Variants in TULP3 observed in about 807,000 individuals in gnomAD.
TULP3 encodes TUB like protein 3, also known as tubby-related protein 3.
Under a neutral mutation model 50.7 loss-of-function variants are expected in TULP3, and 38 were observed. That is an observed-to-expected ratio of 0.75 (90% CI 0.58 to 0.98). The LOEUF is 0.98. Ranked by LOEUF, TULP3 falls within the 50% of genes least tolerant of loss-of-function variation. The probability of loss-of-function intolerance (pLI) is 0.00; values close to 1 mark genes in which losing one functional copy is unlikely to be tolerated. For synonymous variants in TULP3, 183 were observed against 196.6 expected (o/e 0.93, Z 0.58); for missense variants, 550 against 568.0 (o/e 0.97, Z 0.32).
intron 6 of TULP3, among the ~76,000 whole-genome samples, chr12:2,932,666 A>G (rs1019491184): frequency 1.3e-5 from 2 of 151,590 alleles, no homozygotes; most frequent in African/African-American, 4.8e-5. Context: ...AAGACTCTTA[A>G]TCATGGCATT....
Position 2,910,913 on chromosome 12 carries a change from G to A in TULP3, c.93+1333G>A, listed in dbSNP as rs139995939. On this transcript the variant is annotated intron_variant, in intron 2 of 10. Transcript: ENST00000448120. ...CAGAGCAAATTGTATTTAGGGAGAAGTGGGCACAAAAATGTAGATCTTTGA... is the reference window on the plus strand; with the variant it reads ...CAGAGCAAATTGTATTTAGGGAGAAATGGGCACAAAAATGTAGATCTTTGA... Among the ~76,000 whole-genome samples, 11 of 152,282 alleles carry A rather than the reference G, an allele frequency of 7.2e-5. No individual in the cohort carries two copies. The East Asian group carries it at 1.2e-3, about 16-fold the overall frequency.
chr12:2,911,663 C>T lies in TULP3; in HGVS notation c.93+2083C>T, dbSNP rs1251081454. Among the ~76,000 whole-genome samples the T allele has an allele frequency of 6.5e-5, 3 of 46,482 alleles. No individual in the cohort carries two copies. The South Asian group carries it at 2.7e-3, about 42-fold the overall frequency. The allele number at this position is 46,482 out of a possible 152,430, so 30.5% of individuals were successfully genotyped here. On this transcript the variant is annotated intron_variant, in intron 2 of 10. Coordinates refer to ENST00000448120, the MANE Select transcript of TULP3 (RefSeq NM_003324.5). ...TACAGGCGTGAGCCACTGCGCCCAG[C>T]CTTTTTTTTTTTTTTTTTTTTTTTT...
Position 2,910,137 on chromosome 12 carries a change from C to CA in TULP3, c.93+563dup, listed in dbSNP as rs1415946274. 2.6e-5 allele frequency among the ~76,000 whole-genome samples: 4 copies of CA among 152,032 alleles called. No individual in the cohort carries two copies. The East Asian group carries it at 7.7e-4, about 29-fold the overall frequency. On this transcript the variant is annotated intron_variant, in intron 2 of 10. Coordinates refer to ENST00000448120, the MANE Select transcript of TULP3 (RefSeq NM_003324.5). ...GAAACCCAGTCTCTACTAAAAAATA[C>CA]AAAAAATTAGCCGGGCATGGTGGCG... is the stretch of plus-strand genomic sequence containing the variant.
chr12:2,906,077 C>G (rs2098182048), intron 1 of TULP3, among the ~76,000 whole-genome samples: 1 of 148,246 alleles, frequency 6.7e-6, no homozygotes, highest in South Asian at 2.2e-4. Flanking sequence ...GTCACCTGGG[C>G]TAGAGTGCAG....
At chr12:2,933,579 C>T in intron 7 of TULP3, 49 bp downstream of exon 7, 1 of 1,152,748 alleles carries the variant, frequency 8.7e-7, no homozygotes, top group Non-Finnish European at 1.3e-6. Flanking sequence ...TAGTCTTATT[C>T]CTATAGTTGC....
At chr12:2,901,667 G>A (rs2098179397) in intron 1 of TULP3, among the ~76,000 whole-genome samples, 1 of 152,132 alleles carries the variant, frequency 6.6e-6, no homozygotes, top group African/African-American at 2.4e-5. Context: ...ACAGGTGTGA[G>A]CTACCGTGCC....
chr12:2,930,137 A>G, intron 4 of TULP3, 111 bp from the exon 5 acceptor site: 1 of 722,876 alleles, frequency 1.4e-6, no homozygotes. Flanking sequence ...AGTTGTGTTT[A>G]CGGTCAGAAT....
Position 2,933,485 on chromosome 12 carries a change from C to G in TULP3, c.764C>G (p.Pro255Arg). 6.2e-7 allele frequency: 1 copy of G among 1,613,946 alleles called. No homozygotes were observed. Residue 255 changes from proline to arginine, a missense_variant, in exon 7 of 11, where the codon CCA (proline) becomes CGA (arginine). Pro to Arg is a moderately radical substitution (Grantham distance 103, BLOSUM62 -2). Coordinates refer to ENST00000448120, the MANE Select transcript of TULP3 (RefSeq NM_003324.5). ...GCCAACTACCTTATCTCCATTGATC[C>G]AGTTGATTTATCTCGTGAAGGAGAA... is the stretch of plus-strand genomic sequence containing the variant. ...KTANYLISID[P>R]VDLSREGESY...
chr12:2,938,391 C>T (rs997895110), intron 10 of TULP3, 106 bp downstream of exon 10: 1 of 1,268,240 alleles, frequency 7.9e-7, no homozygotes, highest in African/African-American at 1.5e-5. Flanking sequence ...AGCAGATAAT[C>T]ATGGAGGAGA....
In TULP3 at chr12:2,896,408, T is replaced by C. The variant is rs550333739; in HGVS notation, c.41+5420T>C. On this transcript the variant is annotated intron_variant, in intron 1 of 10. Transcript: ENST00000448120. Reference sequence around the variant, plus strand: ...CAGCTGGCATTTTTAATGAACATATTGAAATACCAGAGAATGAAATTCCTG... The same window carrying C: ...CAGCTGGCATTTTTAATGAACATATCGAAATACCAGAGAATGAAATTCCTG... 2.6e-5 allele frequency among the ~76,000 whole-genome samples: 4 copies of C among 152,200 alleles called. No homozygotes were observed. The South Asian group carries it at 8.3e-4, about 32-fold the overall frequency.
intron 1 of TULP3, among the ~76,000 whole-genome samples, chr12:2,903,549 C>T (rs1416771004): frequency 2.2e-5 from 3 of 138,046 alleles, no homozygotes; most frequent in Non-Finnish European, 3.1e-5. Context: ...GCAACAAGCG[C>T]GAGACTCTAT....
chr12:2,921,136 A>G (rs1251042564), intron 3 of TULP3, among the ~76,000 whole-genome samples: 1 of 151,906 alleles, frequency 6.6e-6, no homozygotes, highest in Non-Finnish European at 1.5e-5. Context: ...CCATTTTAGA[A>G]CTGTTGTTTT....
At chr12:2,932,920 T>A (rs866079193) in intron 6 of TULP3, among the ~76,000 whole-genome samples, 13 of 151,938 alleles carry the variant, frequency 8.6e-5, no homozygotes, top group African/African-American at 3.1e-4. Flanking sequence ...AAGAAAACCC[T>A]GATAGTGAAT....
At chr12:2,914,461 A>G (rs570849128) in intron 2 of TULP3, among the ~76,000 whole-genome samples, 17 of 152,278 alleles carry the variant, frequency 1.1e-4, no homozygotes, top group African/African-American at 3.9e-4. Flanking sequence ...CTCTTGTGCT[A>G]TTGAACACTA....
At chr12:2,895,336 T>C (rs1024698420) in intron 1 of TULP3, among the ~76,000 whole-genome samples, 1 of 152,168 alleles carries the variant, frequency 6.6e-6, no homozygotes, top group Non-Finnish European at 1.5e-5. Flanking sequence ...CTGGCTTCAA[T>C]TAAGTTAGCT....
chr12:2,933,133 A>G lies in TULP3; in HGVS notation c.697-285A>G, dbSNP rs1246900197. Among the ~76,000 whole-genome samples the G allele has an allele frequency of 2.6e-5, 4 of 151,986 alleles. No individual in the cohort carries two copies. The East Asian group carries it at 5.8e-4, about 22-fold the overall frequency. ...AATTTTTTGTATTTTTAGTAGAGAC[A>G]GGGTTTACGGTGTTAGCCAGGATGG... On this transcript the variant is annotated intron_variant, in intron 6 of 10. Coordinates refer to ENST00000448120, the MANE Select transcript of TULP3 (RefSeq NM_003324.5).
intron 1 of TULP3, among the ~76,000 whole-genome samples, chr12:2,904,028 C>T (rs10735011): frequency 0.48 from 72,568 of 151,912 alleles, 17,807 homozygotes; most frequent in African/African-American, 0.6. Flanking sequence ...GTGATCCGCC[C>T]GCCTTGGCCT....
At chr12:2,913,201 TTGTGTG>T (rs138018559) in intron 2 of TULP3, among the ~76,000 whole-genome samples, 1 of 146,486 alleles carries the variant, frequency 6.8e-6, no homozygotes, top group Non-Finnish European at 1.5e-5. Context: ...TATGTTGAGT[TTGTGTG>T]TGTGTGTGTG....
At chr12:2,907,097 G>A (rs1006699900) in intron 1 of TULP3, among the ~76,000 whole-genome samples, 2 of 151,916 alleles carry the variant, frequency 1.3e-5, no homozygotes, top group Non-Finnish European at 1.5e-5. Flanking sequence ...CAGCACTTTG[G>A]GAAGCCGAGG....
Sources: gnomAD v4.1 joint callset for allele counts (sites outside exome capture counted in the v4.1 genomes callset) on GRCh38, gnomAD v4.1.1 for gene constraint, MANE v1.5 for transcripts, NCBI Gene and HGNC (gene_info 2026-07-23, HGNC 2026-07-21) for gene names.